The following CSMD3 variants were observed in gnomAD, a reference collection of about 807,000 sequenced individuals.
CSMD3 encodes the protein CUB and sushi domain-containing protein 3.
CSMD3 carries 177 observed loss-of-function variants against 435.2 expected under a neutral mutation model. The observed-to-expected ratio is 0.41, with a 90% CI of 0.36 to 0.46. The LOEUF is 0.46. Among genes scored for constraint, CSMD3 ranks in the 20% least tolerant of loss-of-function variants. The pLI, the probability that CSMD3 is intolerant of heterozygous loss-of-function variation, is 0.34. For missense variants in CSMD3, 4,265 were observed against 4,504.6 expected, an observed-to-expected ratio of 0.95 and a Z score of 1.52; for synonymous variants, 1,656 against 1,520.5, an observed-to-expected ratio of 1.09 and a Z score of -2.07.
At position 112,571,335 on chromosome 8, in the gene CSMD3, T is replaced by C. The variant is rs569988251; in HGVS notation, c.4042+2166A>G. Among the ~76,000 whole-genome samples, 11 of 152,154 alleles carry C rather than the reference T, an allele frequency of 7.2e-5. No homozygotes were observed. In the East Asian group the frequency reaches 1.9e-3, roughly 27 times the overall value. On this transcript the variant is annotated intron_variant, in intron 24 of 70. Coordinates refer to ENST00000297405, the MANE Select transcript of CSMD3 (RefSeq NM_198123.2). ...TAATTGTTAATTAAGAAAAGAAATG[T>C]GACTTCAAATATTTGCTAATTAAAA...
At chr8:112,598,942 T>A (rs1055574675) in intron 22 of CSMD3, among the ~76,000 whole-genome samples, 5 of 151,142 alleles carry the variant, frequency 3.3e-5, no homozygotes, top group African/African-American at 1.2e-4. Flanking sequence ...GCAGTACCAT[T>A]CAGGACATAG....
intron 3 of CSMD3, among the ~76,000 whole-genome samples, chr8:113,260,084 T>C (rs1003791341): frequency 4.6e-5 from 7 of 152,166 alleles, no homozygotes; most frequent in African/African-American, 1.7e-4. Flanking sequence ...TCCACCATAA[T>C]TGTAAGTTTC....
chr8:113,407,546 A>C (rs2094538035), intron 1 of CSMD3, among the ~76,000 whole-genome samples: 1 of 151,994 alleles, frequency 6.6e-6, no homozygotes, highest in Non-Finnish European at 1.5e-5. Flanking sequence ...TTGGAGATAC[A>C]TACATACACA....
chr8:112,912,435 T>G (rs1340194498), intron 10 of CSMD3, among the ~76,000 whole-genome samples: 1 of 151,862 alleles, frequency 6.6e-6, no homozygotes, highest in Non-Finnish European at 1.5e-5. Context: ...CTCTTATATT[T>G]TTGATGATAG....
chr8:113,215,780 C>T (rs1446616445), intron 3 of CSMD3, among the ~76,000 whole-genome samples: 15 of 151,716 alleles, frequency 9.9e-5, no homozygotes, highest in Non-Finnish European at 1.5e-5. Context: ...TTAAACTAAT[C>T]TATGTAACCT....
At chr8:112,350,638 A>C (rs1826057754) in intron 40 of CSMD3, among the ~76,000 whole-genome samples, 1 of 152,100 alleles carries the variant, frequency 6.6e-6, no homozygotes, top group Admixed American at 6.6e-5. Context: ...GAAGAGAAAA[A>C]AAAGCATGAA....
intron 47 of CSMD3, among the ~76,000 whole-genome samples, chr8:112,315,954 A>G (rs1008194655): frequency 6.6e-6 from 1 of 151,864 alleles, no homozygotes; most frequent in Non-Finnish European, 1.5e-5. Context: ...AAATAGATGA[A>G]GAACTTATAT....
chr8:113,302,701 A>T (rs997153378), intron 2 of CSMD3, among the ~76,000 whole-genome samples: 1 of 151,220 alleles, frequency 6.6e-6, no homozygotes, highest in Admixed American at 6.6e-5. Context: ...CCTTTGACAA[A>T]ATTCAACAAC....
intron 17 of CSMD3, 125 bp downstream of exon 17, chr8:112,666,152 C>T: frequency 1.3e-6 from 1 of 784,484 alleles, no homozygotes; most frequent in Non-Finnish European, 2.2e-6. Context: ...CAGATGGAAG[C>T]ATTCAAAGCA....
chr8:112,830,423 G>GCTAAAATATA (rs1282977062), intron 11 of CSMD3, among the ~76,000 whole-genome samples: 1 of 151,996 alleles, frequency 6.6e-6, no homozygotes, highest in African/African-American at 2.4e-5. Flanking sequence ...ATTATTTCTT[G>GCTAAAATATA]CTAAAATATA....
At chr8:112,257,308 G>A (rs1055457658) in intron 61 of CSMD3, among the ~76,000 whole-genome samples, 3 of 152,096 alleles carry the variant, frequency 2.0e-5, no homozygotes, top group Middle Eastern at 3.2e-3. Context: ...AAATAAATAA[G>A]GGTATTCAAA....
intron 4 of CSMD3, among the ~76,000 whole-genome samples, chr8:113,158,181 C>T (rs1189127458): frequency 1.4e-5 from 2 of 138,636 alleles, no homozygotes; most frequent in Non-Finnish European, 1.6e-5. Flanking sequence ...CAGTTCCAGA[C>T]CAAAAAAAAA....
chr8:112,568,310 G>A (rs921557193), intron 24 of CSMD3, among the ~76,000 whole-genome samples: 1 of 152,022 alleles, frequency 6.6e-6, no homozygotes, highest in African/African-American at 2.4e-5. Context: ...AAAAAGGAAT[G>A]GGGCTGGCAT....
intron 4 of CSMD3, among the ~76,000 whole-genome samples, chr8:113,136,569 T>C (rs2091423512): frequency 6.6e-6 from 1 of 151,694 alleles, no homozygotes. Flanking sequence ...AAGAACATTC[T>C]AGATTTATTA....
intron 6 of CSMD3, among the ~76,000 whole-genome samples, chr8:112,977,568 G>T (rs532452480): frequency 1.4e-4 from 21 of 152,070 alleles, no homozygotes; most frequent in South Asian, 1.0e-3. Context: ...CAAACCTGGA[G>T]CCCCTCACTC....
chr8:112,569,730 A>C (rs1829352456), intron 24 of CSMD3, among the ~76,000 whole-genome samples: 1 of 152,192 alleles, frequency 6.6e-6, no homozygotes, highest in South Asian at 2.1e-4. Flanking sequence ...AATTGTGAGA[A>C]GCATCAAGAT....
intron 6 of CSMD3, among the ~76,000 whole-genome samples, chr8:113,016,103 T>A (rs2086447256): frequency 4.0e-5 from 6 of 151,720 alleles, no homozygotes; most frequent in Admixed American, 3.3e-4. Context: ...GAAGAGACAG[T>A]AATAAATTAT....
intron 13 of CSMD3, among the ~76,000 whole-genome samples, chr8:112,741,829 C>T (rs571196360): frequency 9.6e-6 from 1 of 104,506 alleles, no homozygotes; most frequent in South Asian, 2.9e-4. Flanking sequence ...AGATAGATAA[C>T]ACAAAAAGTT....
intron 23 of CSMD3, 45 bp downstream of exon 23, chr8:112,587,021 A>G: frequency 7.3e-7 from 1 of 1,360,706 alleles, no homozygotes; most frequent in Non-Finnish European, 1.0e-6. Flanking sequence ...TGTATATTTA[A>G]TGACTAAAAA....
Sources: gnomAD v4.1 joint callset for allele counts (sites outside exome capture counted in the v4.1 genomes callset) on GRCh38, gnomAD v4.1.1 for gene constraint, MANE v1.5 for transcripts, NCBI Gene and HGNC (gene_info 2026-07-23, HGNC 2026-07-21) for gene names.